The following SH3KBP1 variants were observed in gnomAD, a reference collection of about 807,000 sequenced individuals.
SH3KBP1 encodes the protein SH3 domain containing kinase binding protein 1.
SH3KBP1 carries 8 observed loss-of-function variants against 50.1 expected under a neutral mutation model. The ratio of observed to expected loss-of-function variants is 0.16; its 90% CI spans 0.09 to 0.29. The LOEUF is 0.29. Ranked by LOEUF, SH3KBP1 falls within the 10% of genes least tolerant of loss-of-function variation. SH3KBP1 has a pLI of 1.00. For missense variants in SH3KBP1, 377 were observed against 535.2 expected, an observed-to-expected ratio of 0.70 and a Z score of 2.92; for synonymous variants, 227 against 218.6, an observed-to-expected ratio of 1.04 and a Z score of -0.34.
intron 2 of SH3KBP1, among the ~76,000 whole-genome samples, chrX:19,757,181 C>T (rs759155736): frequency 1.4e-5 from 1 of 70,734 alleles, no homozygotes; most frequent in Non-Finnish European, 2.5e-5. Context: ...CAAGTGTGAA[C>T]GGAAAATAAA....
intron 13 of SH3KBP1, among the ~76,000 whole-genome samples, chrX:19,561,494 T>TA: frequency 8.9e-6 from 1 of 112,172 alleles, no homozygotes; most frequent in Middle Eastern, 4.2e-3. Flanking sequence ...CTTAAGTTTT[T>TA]ACCTGAGCCA....
chrX:19,784,534 A>C (rs2066277577), intron 2 of SH3KBP1, among the ~76,000 whole-genome samples: 1 of 111,610 alleles, frequency 9.0e-6, no homozygotes, highest in South Asian at 3.7e-4. Flanking sequence ...GTCTATCCAA[A>C]AATTTCACTA....
At chrX:19,548,870 A>G (rs2065162138) in intron 14 of SH3KBP1, among the ~76,000 whole-genome samples, 1 of 110,331 alleles carries the variant, frequency 9.1e-6, no homozygotes, top group Non-Finnish European at 1.9e-5. Context: ...CACAAACACA[A>G]CTTGTGGAAG....
rs141181440 is a variant in SH3KBP1 at position 19,705,582 on chromosome X, G to T, written c.390+1299C>A. ...TGACATGTTAATTATCCAAAATTCGGAAGTAGGTAAAAGGGGTTCCTGCAT... is the reference window on the plus strand; with the variant it reads ...TGACATGTTAATTATCCAAAATTCGTAAGTAGGTAAAAGGGGTTCCTGCAT... On this transcript the variant is annotated intron_variant, in intron 4 of 17. Transcript: ENST00000397821. Among the ~76,000 whole-genome samples, 31 of 111,412 alleles carry T rather than the reference G, an allele frequency of 2.8e-4. No homozygotes were observed. The East Asian group carries it at 7.9e-3, about 29-fold the overall frequency.
At chrX:19,549,097 G>C (rs903074887) in intron 14 of SH3KBP1, among the ~76,000 whole-genome samples, 1 of 112,114 alleles carries the variant, frequency 8.9e-6, no homozygotes, top group Non-Finnish European at 1.9e-5. Flanking sequence ...ATACTCATAG[G>C]TTAGAAAAAT....
chrX:19,705,212 AT>A (rs771087839), intron 4 of SH3KBP1, among the ~76,000 whole-genome samples: 5 of 112,175 alleles, frequency 4.5e-5, no homozygotes, highest in Non-Finnish European at 1.9e-5. Context: ...TTTATGGCAA[AT>A]TTATCTACTA....
intron 1 of SH3KBP1, among the ~76,000 whole-genome samples, chrX:19,862,329 T>C (rs2068798018): frequency 8.9e-6 from 1 of 112,242 alleles, no homozygotes; most frequent in Non-Finnish European, 1.9e-5. Context: ...ACAAGATAAA[T>C]TTTTTCCTCG....
chrX:19,561,755 T>G (rs1156290275), intron 13 of SH3KBP1, among the ~76,000 whole-genome samples: 1 of 111,713 alleles, frequency 9.0e-6, no homozygotes, highest in East Asian at 2.8e-4. Context: ...ATGGCATTTG[T>G]TTATTTTGAA....
rs189857220 is a variant in SH3KBP1, at chrX:19,745,455, G to A, written c.286+863C>T. On this transcript the variant is annotated intron_variant, in intron 3 of 17. Coordinates refer to ENST00000397821, the MANE Select transcript of SH3KBP1 (RefSeq NM_031892.3). Reference sequence around the variant, plus strand: ...AAGATTAGCTGTTCTTCCTCCCCATGGTTATATAAACTTGCCTTCTTTTTT... The same window carrying A: ...AAGATTAGCTGTTCTTCCTCCCCATAGTTATATAAACTTGCCTTCTTTTTT... Among the ~76,000 whole-genome samples, 38 of 112,085 alleles carry A rather than the reference G, an allele frequency of 3.4e-4. 1 individual carries two copies. In the East Asian group the frequency reaches 9.2e-3, roughly 27 times the overall value.
At chrX:19,641,758 G>C (rs1042180391) in intron 7 of SH3KBP1, among the ~76,000 whole-genome samples, 3 of 112,258 alleles carry the variant, frequency 2.7e-5, no homozygotes, top group African/African-American at 9.7e-5. Context: ...TTACCATTGT[G>C]TTTAAGGTCT....
intron 4 of SH3KBP1, among the ~76,000 whole-genome samples, chrX:19,703,696 C>CTCTG (rs1459116402): frequency 1.4e-3 from 91 of 63,503 alleles, no homozygotes; most frequent in African/African-American, 5.0e-3. Context: ...AAAAGAGAAA[C>CTCTG]TGTGTGTGTG....
chrX:19,772,522 A>G (rs970608239), intron 2 of SH3KBP1, among the ~76,000 whole-genome samples: 7 of 110,747 alleles, frequency 6.3e-5, no homozygotes, highest in African/African-American at 2.3e-4. Context: ...AATAAGGGCG[A>G]TTTCCTCAGC....
At chrX:19,674,112 T>C (rs1429374168) in intron 6 of SH3KBP1, among the ~76,000 whole-genome samples, 4 of 111,798 alleles carry the variant, frequency 3.6e-5, no homozygotes, top group African/African-American at 1.3e-4. Flanking sequence ...ATAATGACTT[T>C]TATACATACC....
intron 3 of SH3KBP1, among the ~76,000 whole-genome samples, chrX:19,738,550 G>A (rs761746511): frequency 2.0e-4 from 22 of 109,926 alleles, no homozygotes; most frequent in Non-Finnish European, 4.2e-4. Flanking sequence ...TCAGAGCCTA[G>A]TGTACTGTGT....
chrX:19,856,951 C>CT lies in SH3KBP1; in HGVS notation c.5-20670dup, dbSNP rs758486199. Among the ~76,000 whole-genome samples the CT allele has an allele frequency of 7.8e-3, 156 of 20,024 alleles. 51 individuals carry two copies. The highest frequency in any genetic ancestry group is 0.013 in the Non-Finnish European group (126 of 9,993). The allele number at this position is 20,024 out of a possible 115,157, so 17.4% of individuals were successfully genotyped here. A position where few individuals can be genotyped will look rare whatever the true frequency, so the allele number is the denominator to read the frequency against. ...CTTTTCCCCTAGAGCTAATACTAGT[C>CT]TTTTTTTTTTTTTTTTTTTTTTTTT... On this transcript the variant is annotated intron_variant, in intron 1 of 17. Transcript: ENST00000397821.
intron 2 of SH3KBP1, among the ~76,000 whole-genome samples, chrX:19,835,180 A>G (rs972031177): frequency 8.0e-5 from 9 of 112,454 alleles, no homozygotes; most frequent in Non-Finnish European, 1.5e-4. Context: ...ATTTAGAGAC[A>G]GGGAGTGCTC....
At chrX:19,572,909 T>C (rs2066088844) in intron 12 of SH3KBP1, among the ~76,000 whole-genome samples, 1 of 111,608 alleles carries the variant, frequency 9.0e-6, no homozygotes. Context: ...CGTGCCCTCC[T>C]GACATATTAG....
Position 19,833,852 on chromosome X carries a change from T to C in SH3KBP1, c.162+2273A>G, listed in dbSNP as rs780250765. 6.1e-4 allele frequency among the ~76,000 whole-genome samples: 68 copies of C among 112,119 alleles called. 1 individual carries two copies. Among genetic ancestry groups the C allele is most frequent in the Non-Finnish European group, 1.1e-3 (56 of 53,234 alleles). On this transcript the variant is annotated intron_variant, in intron 2 of 17. Transcript: ENST00000397821. ...CTAGAATGCAGCTCAACTTCAGGGA[T>C]GCTCCTTTCCTAAAACTGGGGTCTT... is the stretch of plus-strand genomic sequence containing the variant.
intron 3 of SH3KBP1, among the ~76,000 whole-genome samples, chrX:19,707,789 T>G (rs2063683912): frequency 9.0e-6 from 1 of 111,472 alleles, no homozygotes. Flanking sequence ...ACACCACAGA[T>G]GTGCACTATG....
Sources: gnomAD v4.1 joint callset for allele counts (sites outside exome capture counted in the v4.1 genomes callset) on GRCh38, gnomAD v4.1.1 for gene constraint, MANE v1.5 for transcripts, NCBI Gene and HGNC (gene_info 2026-07-23, HGNC 2026-07-21) for gene names.